The following ITPKC variants were observed in gnomAD, a reference collection of about 807,000 sequenced individuals.
ITPKC encodes inositol-trisphosphate 3-kinase C.
In ITPKC, 33 loss-of-function variants were observed where a neutral mutation model predicts 67.1. The observed-to-expected ratio is 0.49, with a 90% confidence interval of 0.37 to 0.66. The LOEUF (loss-of-function observed/expected upper bound fraction) is 0.66, where lower values mean the gene tolerates loss of function less well. Among genes scored for constraint, ITPKC ranks in the 30% least tolerant of loss-of-function variants. The probability of loss-of-function intolerance (pLI) is 0.00; values close to 1 mark genes in which losing one functional copy is unlikely to be tolerated. For synonymous variants in ITPKC, 341 were observed against 359.8 expected, an observed-to-expected ratio of 0.95 and a Z score of 0.59; for missense variants, 820 against 892.1, an observed-to-expected ratio of 0.92 and a Z score of 1.03.
intron 3 of ITPKC, 32 bp from the exon 4 acceptor site, chr19:40,733,128 A>G: frequency 6.3e-7 from 1 of 1,599,344 alleles, no homozygotes; most frequent in Non-Finnish European, 8.6e-7. Context: ...TGTTCTACAT[A>G]ATTTCCTTTG....
At position 40,740,854 on chromosome 19, in the gene ITPKC, G is replaced by A. The variant is rs945849159; in HGVS notation, c.*1294G>A. The A allele has an allele frequency of 3.8e-5, 15 of 397,446 alleles. No homozygotes were observed. The highest frequency in any genetic ancestry group is 2.9e-4 in the African/African-American group (14 of 48,624). 24.6% of individuals were successfully genotyped at this position (397,446 alleles called of 1,614,324 possible). A position where few individuals can be genotyped will look rare whatever the true frequency, so the allele number is the denominator to read the frequency against. ...AACACCCCAATAAACAGAACATTCAGAGCCAATGTCGTAGAGCTTTTTATT... is the reference window on the plus strand; with the variant it reads ...AACACCCCAATAAACAGAACATTCAAAGCCAATGTCGTAGAGCTTTTTATT... On this transcript the variant is annotated 3_prime_UTR_variant, in exon 7 of 7. Transcript: ENST00000263370.
chr19:40,731,422 C>T lies in ITPKC; in HGVS notation c.1470-1738C>T, dbSNP rs184124504. Among the ~76,000 whole-genome samples, 154 of 152,274 alleles carry T rather than the reference C, an allele frequency of 1.0e-3. 1 individual carries two copies. Among genetic ancestry groups the T allele is most frequent in the Admixed American group, 0.01 (153 of 15,294 alleles). On this transcript the variant is annotated intron_variant, in intron 3 of 6. Coordinates refer to ENST00000263370, the MANE Select transcript of ITPKC (RefSeq NM_025194.3). ...AGTCTGTGGGAAAAATTATCTTCTA[C>T]AAAACCAGTCCCTGGTTGGGTACTG...
At chr19:40,739,304 G>A (rs534510372) in intron 6 of ITPKC, 53 bp from the exon 7 acceptor site, 1 of 1,371,672 alleles carries the variant, frequency 7.3e-7, no homozygotes, top group African/African-American at 1.4e-5. Flanking sequence ...TGTCAGGAAG[G>A]GACCTTGGCC....
At position 40,739,712 on chromosome 19, in the gene ITPKC, A is replaced by T. The variant is rs969270193; in HGVS notation, c.*152A>T. ...GTGCCACACGAGACCAACGTGGAAA[A>T]GTCTGAAGGGCCTTGGGAGACCAGG... On this transcript the variant is annotated 3_prime_UTR_variant, in exon 7 of 7. Coordinates refer to ENST00000263370, the MANE Select transcript of ITPKC (RefSeq NM_025194.3). 3 of 657,572 alleles carry T rather than the reference A, an allele frequency of 4.6e-6. No homozygotes were observed. The highest frequency in any genetic ancestry group is 2.6e-6 in the Non-Finnish European group (1 of 386,998). The allele number at this position is 657,572 out of a possible 1,614,324, so 40.7% of individuals were successfully genotyped here. A position where few individuals can be genotyped will look rare whatever the true frequency, so the allele number is the denominator to read the frequency against.
In ITPKC at chr19:40,740,701, G is replaced by A. The variant is rs1308316697; in HGVS notation, c.*1141G>A. ...GCTGAAGCTCCCACACTGTCTTCCA[G>A]GGCTGAGGAGATGCTCTCCTTTTCT... On this transcript the variant is annotated 3_prime_UTR_variant, in exon 7 of 7. Transcript: ENST00000263370. 2 of 348,106 alleles carry A rather than the reference G, an allele frequency of 5.7e-6. No homozygotes were observed. The highest frequency in any genetic ancestry group is 2.1e-5 in the African/African-American group (1 of 47,508). The allele number at this position is 348,106 out of a possible 1,614,324, so 21.6% of individuals were successfully genotyped here.
intron 4 of ITPKC, among the ~76,000 whole-genome samples, chr19:40,736,537 T>C (rs1218940997): frequency 1.3e-5 from 2 of 151,978 alleles, no homozygotes; most frequent in African/African-American, 4.8e-5. Flanking sequence ...AGAGTCTTGT[T>C]CTGTCACCCA....
At chr19:40,735,934 C>T (rs1001349778) in intron 4 of ITPKC, among the ~76,000 whole-genome samples, 2 of 152,228 alleles carry the variant, frequency 1.3e-5, no homozygotes, top group Admixed American at 6.5e-5. Flanking sequence ...ACACAATTCC[C>T]GTTTTCCAGA....
intron 2 of ITPKC, among the ~76,000 whole-genome samples, chr19:40,726,059 G>C (rs2082245207): frequency 6.6e-6 from 1 of 152,030 alleles, no homozygotes; most frequent in South Asian, 2.1e-4. Flanking sequence ...TGGCCAATGT[G>C]GTGAAATCCC....
At chr19:40,719,999 A>C (rs541998654) in intron 1 of ITPKC, among the ~76,000 whole-genome samples, 2 of 150,996 alleles carry the variant, frequency 1.3e-5, no homozygotes, top group Admixed American at 1.3e-4. Flanking sequence ...ATCTTAAAAT[A>C]GCATCTATCT....
At chr19:40,720,693 C>T (rs942145309) in intron 1 of ITPKC, among the ~76,000 whole-genome samples, 2 of 152,060 alleles carry the variant, frequency 1.3e-5, no homozygotes, top group African/African-American at 4.8e-5. Flanking sequence ...TTCCCAGAAT[C>T]GACTTCCTTC....
intron 1 of ITPKC, among the ~76,000 whole-genome samples, chr19:40,723,024 C>T (rs1445578979): frequency 6.6e-6 from 1 of 151,648 alleles, no homozygotes; most frequent in Non-Finnish European, 1.5e-5. Flanking sequence ...TGCAGTGGCA[C>T]AATCTCGGCT....
Position 40,725,565 on chromosome 19 carries a change from T to C in ITPKC, c.1255+126T>C. 4.2e-6 allele frequency: 3 copies of C among 721,132 alleles called. No homozygotes were observed. The South Asian group carries it at 4.7e-5, about 11-fold the overall frequency. The allele number at this position is 721,132 out of a possible 1,614,324, so 44.7% of individuals were successfully genotyped here. A position where few individuals can be genotyped will look rare whatever the true frequency, so the allele number is the denominator to read the frequency against. On this transcript the variant is annotated intron_variant, in intron 2 of 6. Coordinates refer to ENST00000263370, the MANE Select transcript of ITPKC (RefSeq NM_025194.3). ...GACAGTCCCCACCTTATGGGACTGTTATGGGCAGTGCTTAGGCCTGGGCCT... is the reference window on the plus strand; with the variant it reads ...GACAGTCCCCACCTTATGGGACTGTCATGGGCAGTGCTTAGGCCTGGGCCT...
intron 1 of ITPKC, among the ~76,000 whole-genome samples, chr19:40,720,698 TC>T (rs1465031156): frequency 6.6e-6 from 1 of 151,980 alleles, no homozygotes; most frequent in Non-Finnish European, 1.5e-5. Context: ...AGAATCGACT[TC>T]CTTCCCTCCT....
At chr19:40,727,474 A>G in intron 2 of ITPKC, among the ~76,000 whole-genome samples, 1 of 152,214 alleles carries the variant, frequency 6.6e-6, no homozygotes, top group African/African-American at 2.4e-5. Context: ...TGGGTCAGCA[A>G]TTCAGACAGG....
rs2082222909 is a variant in ITPKC at position 40,721,613 on chromosome 19, C to T, written c.1155+3323C>T. On this transcript the variant is annotated intron_variant, in intron 1 of 6. Transcript: ENST00000263370. ...TGAGCTCCTGACCTCAGGTGATCCA[C>T]CCACCTCAGCCTCCCAAAGTGCTGG... Among the ~76,000 whole-genome samples, 3 of 151,990 alleles carry T rather than the reference C, an allele frequency of 2.0e-5. No individual in the cohort carries two copies. The South Asian group carries it at 6.2e-4, about 32-fold the overall frequency.
At position 40,727,148 on chromosome 19, in the gene ITPKC, C is replaced by T. The variant is rs150093409; in HGVS notation, c.1255+1709C>T. 4.8e-3 allele frequency among the ~76,000 whole-genome samples: 730 copies of T among 152,164 alleles called. 1 individual carries two copies. Among genetic ancestry groups the T allele is most frequent in the Non-Finnish European group, 7.2e-3 (488 of 68,002 alleles). ...AGGAGATCGAGACCATCCTGGCTAA[C>T]AAAGTGAAACCCCGTCTCTACTAAA... is the stretch of plus-strand genomic sequence containing the variant. On this transcript the variant is annotated intron_variant, in intron 2 of 6. Transcript: ENST00000263370.
chr19:40,732,021 T>G (rs1373039680), intron 3 of ITPKC, among the ~76,000 whole-genome samples: 1 of 151,824 alleles, frequency 6.6e-6, no homozygotes, highest in Non-Finnish European at 1.5e-5. Context: ...GCAGATCACT[T>G]GAGGCCAGTT....
chr19:40,717,304 G>C lies in ITPKC; in HGVS notation c.169G>C (p.Gly57Arg), dbSNP rs1188429817. ...CCCGGCGGGGCGGCCGGAGGGGGGC[G>C]GGCCCTGGGCCCGGACAGAGGGGTC... ...GAPAGRPEGG[G>R]PWARTEGSSL... The change falls in exon 1 of 7, where the codon GGG becomes CGG. Residue 57 changes from glycine to arginine, a missense_variant. Physicochemically the swap from Gly to Arg is moderately radical, Grantham distance 125. Coordinates refer to ENST00000263370, the MANE Select transcript of ITPKC (RefSeq NM_025194.3). The C allele has an allele frequency of 2.0e-6, 3 of 1,527,512 alleles. No homozygotes were observed. The highest frequency in any genetic ancestry group is 2.8e-5 in the African/African-American group (2 of 72,218). 94.6% of individuals were successfully genotyped at this position (1,527,512 alleles called of 1,614,324 possible).
At position 40,717,774 on chromosome 19, in the gene ITPKC, C is replaced by T; in HGVS notation, c.639C>T (p.Pro213=). ...SLQTHPEGAC[P]SKEPSADGSW... ...AGACTCACCCAGAAGGAGCCTGTCCCTCAAAAGAGCCAAGTGCTGATGGCT... is the reference window on the plus strand; with the variant it reads ...AGACTCACCCAGAAGGAGCCTGTCCTTCAAAAGAGCCAAGTGCTGATGGCT... Residue 213 remains proline, a synonymous_variant, in exon 1 of 7, where the codon CCC becomes CCT. Coordinates refer to ENST00000263370, the MANE Select transcript of ITPKC (RefSeq NM_025194.3). The T allele has an allele frequency of 1.2e-6, 2 of 1,613,990 alleles. No homozygotes were observed. Among genetic ancestry groups the T allele is most frequent in the Non-Finnish European group, 1.7e-6 (2 of 1,179,968 alleles).
Sources: allele counts gnomAD v4.1 joint callset (sites outside exome capture counted in the v4.1 genomes callset), GRCh38; gene constraint gnomAD v4.1.1; transcripts MANE v1.5; gene names NCBI Gene and HGNC (gene_info 2026-07-23, HGNC 2026-07-21).